PFKFB3: variants seen among roughly 807,000 people sequenced by gnomAD.
PFKFB3 encodes the protein 6-phosphofructo-2-kinase/fructose-2,6-biphosphatase 3.
A neutral mutation model predicts 68.0 loss-of-function variants in PFKFB3; 33 were observed. That is an observed-to-expected ratio of 0.49 (90% confidence interval 0.37 to 0.65). The LOEUF is 0.65. PFKFB3 is among the 30% of genes least tolerant of loss of function. The probability of loss-of-function intolerance (pLI) is 0.00; values close to 1 mark genes in which losing one functional copy is unlikely to be tolerated. For synonymous variants in PFKFB3, 315 were observed against 288.2 expected (o/e 1.09, Z -0.94); for missense variants, 586 against 712.2 (o/e 0.82, Z 2.02).
intron 1 of PFKFB3, among the ~76,000 whole-genome samples, chr10:6,181,898 C>T (rs540802437): frequency 9.3e-5 from 14 of 151,306 alleles, no homozygotes; most frequent in South Asian, 4.2e-4. Context: ...ATGGAGGTGG[C>T]CAGGGGCTGG....
At chr10:6,165,200 G>T (rs1394606859) in intron 1 of PFKFB3, among the ~76,000 whole-genome samples, 1 of 152,160 alleles carries the variant, frequency 6.6e-6, no homozygotes, top group Non-Finnish European at 1.5e-5. Context: ...ATCGAGAATG[G>T]AGAATGGCGA....
At chr10:6,161,595 T>C (rs200074794) in intron 1 of PFKFB3, among the ~76,000 whole-genome samples, 12 of 149,668 alleles carry the variant, frequency 8.0e-5, no homozygotes, top group Middle Eastern at 3.4e-3. Context: ...CATATATATA[T>C]ACACACACAC....
intron 1 of PFKFB3, among the ~76,000 whole-genome samples, chr10:6,171,232 T>G (rs1022766271): frequency 6.6e-6 from 1 of 151,996 alleles, no homozygotes; most frequent in East Asian, 1.9e-4. Context: ...ATTTTGTATT[T>G]TTAGTAGAGA....
chr10:6,267,030 ATGT>A, the PFKFB3 span, among the ~76,000 whole-genome samples: 5 of 152,332 alleles, frequency 3.3e-5, no homozygotes, highest in South Asian at 6.2e-4. Context: ...TTCTCTTGTC[ATGT>A]TGTTTTTTAA....
chr10:6,195,444 A>G lies in PFKFB3; in HGVS notation c.17-18179A>G, dbSNP rs139415196. ...TACTCATGTTCTAGGACATAGTTCC[A>G]TGGCTAAGCATGAAAACAAGCAAGA... On this transcript the variant is annotated intron_variant, in intron 1 of 14. Transcript: ENST00000379789. 7.5e-3 allele frequency among the ~76,000 whole-genome samples: 1,147 copies of G among 152,324 alleles called. 7 individuals carry two copies. Among genetic ancestry groups the G allele is most frequent in the Middle Eastern group, 0.017 (5 of 294 alleles).
intron 14 of PFKFB3, among the ~76,000 whole-genome samples, chr10:6,230,248 T>C (rs575306569): frequency 2.0e-5 from 3 of 152,316 alleles, no homozygotes; most frequent in Non-Finnish European, 4.4e-5. Flanking sequence ...CCGTCCATCC[T>C]GGGTGCGTGA....
At chr10:6,270,476 A>G in the PFKFB3 span, among the ~76,000 whole-genome samples, 5 of 152,084 alleles carry the variant, frequency 3.3e-5, no homozygotes, top group Non-Finnish European at 7.4e-5. Flanking sequence ...ACCACAGCTC[A>G]CCGTGTCCTG....
the PFKFB3 span, among the ~76,000 whole-genome samples, chr10:6,314,314 G>A: frequency 6.6e-6 from 1 of 152,136 alleles, no homozygotes; most frequent in South Asian, 2.1e-4. Context: ...TCAGAAAATG[G>A]AAATAGGCAG....
At chr10:6,266,732 C>A in the PFKFB3 span, among the ~76,000 whole-genome samples, 1 of 152,162 alleles carries the variant, frequency 6.6e-6, no homozygotes, top group South Asian at 2.1e-4. Flanking sequence ...TTTGCAGAGT[C>A]CAAGTAAAAT....
chr10:6,189,498 G>A (rs2131817418), intron 1 of PFKFB3, among the ~76,000 whole-genome samples: 1 of 149,264 alleles, frequency 6.7e-6, no homozygotes, highest in East Asian at 2.0e-4. Context: ...CCAGACTGCT[G>A]ATGGTGAGGT....
chr10:6,242,877 T>G lies in PFKFB3; in HGVS notation c.1516-11301T>G, dbSNP rs878914668. ...TGTTGGGATTACAGGCGTGAGCCAC[T>G]GCGCCCGGCCTAAACATTTTATTTC... On this transcript the variant is annotated intron_variant, in intron 14 of 14. Coordinates refer to the PFKFB3 transcript ENST00000640683. 5.9e-5 allele frequency among the ~76,000 whole-genome samples: 9 copies of G among 152,352 alleles called. No homozygotes were observed. In the East Asian group the frequency reaches 1.7e-3, roughly 29 times the overall value.
chr10:6,204,747 T>G (rs534655927), intron 1 of PFKFB3, among the ~76,000 whole-genome samples: 2 of 152,396 alleles, frequency 1.3e-5, no homozygotes, highest in East Asian at 3.8e-4. Flanking sequence ...AATGCAGCTC[T>G]TAAATCCCCA....
chr10:6,321,621 C>G, the PFKFB3 span, among the ~76,000 whole-genome samples: 6 of 152,192 alleles, frequency 3.9e-5, no homozygotes, highest in African/African-American at 1.4e-4. Context: ...TTCCCTCCTT[C>G]TTGCTAACTT....
the PFKFB3 span, among the ~76,000 whole-genome samples, chr10:6,276,338 T>C: frequency 6.6e-6 from 1 of 151,462 alleles, no homozygotes; most frequent in East Asian, 1.9e-4. Context: ...ACTTAGCAAA[T>C]GTATGAAAGT....
Position 6,231,400 on chromosome 10 carries a change from G to T in PFKFB3, c.1516-1495G>T. 3 of 1,592,742 alleles carry T rather than the reference G, an allele frequency of 1.9e-6. No individual in the cohort carries two copies. The South Asian group carries it at 3.4e-5, about 18-fold the overall frequency. ...GCAGACTGGCCATCGTGCAATGCGG[G>T]GCTCATCTGTCTCCATGCCGAGGTT... is the stretch of plus-strand genomic sequence containing the variant. On this transcript the variant is annotated intron_variant, in intron 14 of 14. Coordinates refer to ENST00000379775, the MANE Select transcript of PFKFB3 (RefSeq NM_004566.4).
rs60638987 is a variant in PFKFB3 at position 6,192,139 on chromosome 10, T to TACACACACACACACAC, written c.17-21454_17-21439dup. Among the ~76,000 whole-genome samples the TACACACACACACACAC allele has an allele frequency of 3.1e-3, 364 of 119,140 alleles. 1 individual carries two copies. The highest frequency in any genetic ancestry group is 0.013 in the Middle Eastern group (3 of 236). 78.2% of individuals were successfully genotyped at this position (119,140 alleles called of 152,430 possible). On this transcript the variant is annotated intron_variant, in intron 1 of 14. Transcript: ENST00000379789. ...CAGCAGAGTCAATGACATTCCCCAATACACACACACACACACACACACACA... is the reference window on the plus strand; with the variant it reads ...CAGCAGAGTCAATGACATTCCCCAATACACACACACACACACACACACACACACACACACACACACA...
At chr10:6,266,014 A>G in the PFKFB3 span, among the ~76,000 whole-genome samples, 1 of 152,068 alleles carries the variant, frequency 6.6e-6, no homozygotes, top group South Asian at 2.1e-4. Context: ...GCGCTCAAGG[A>G]ATCCTCCTGC....
downstream of PFKFB3, among the ~76,000 whole-genome samples, chr10:6,236,577 C>T (rs375602360): frequency 1.3e-5 from 2 of 152,210 alleles, no homozygotes; most frequent in Non-Finnish European, 2.9e-5. Context: ...CCCAGGGTTG[C>T]GATCTGGCTG....
chr10:6,222,419 T>A (rs1490514835), intron 10 of PFKFB3, among the ~76,000 whole-genome samples: 1 of 152,266 alleles, frequency 6.6e-6, no homozygotes. Context: ...GTTAGTGTAC[T>A]CACAGTGCTG....
Sources: allele counts gnomAD v4.1 joint callset (sites outside exome capture counted in the v4.1 genomes callset), GRCh38; gene constraint gnomAD v4.1.1; transcripts MANE v1.5; gene names NCBI Gene and HGNC (gene_info 2026-07-23, HGNC 2026-07-21).